Variants in HABP4 observed in about 807,000 individuals in gnomAD.
HABP4 encodes the protein intracellular hyaluronan-binding protein 4.
Under a neutral mutation model 44.1 loss-of-function variants are expected in HABP4, and 32 were observed. The ratio of observed to expected loss-of-function variants is 0.73; its 90% CI spans 0.55 to 0.97. HABP4 has a LOEUF of 0.97. HABP4 is among the 50% of genes least tolerant of loss of function. The probability of loss-of-function intolerance (pLI) is 0.00; values close to 1 mark genes in which losing one functional copy is unlikely to be tolerated. For synonymous variants in HABP4, 216 were observed against 218.0 expected (o/e 0.99, Z 0.08); for missense variants, 503 against 561.9 (o/e 0.90, Z 1.06).
chr9:96,484,824 C>G (rs1180850547), intron 6 of HABP4, among the ~76,000 whole-genome samples, 191 bp downstream of exon 6: 1 of 152,124 alleles, frequency 6.6e-6, no homozygotes, highest in Non-Finnish European at 1.5e-5. Context: ...GAGGTATTGA[C>G]AGATGCACAG....
chr9:96,488,033 T>A lies in HABP4; in HGVS notation c.1000-56T>A. ...AGCACACTGCAGCCACTAAGCCAGATGAGTGTGGGGATGGCTGTGGACTTG... is the reference window on the plus strand; with the variant it reads ...AGCACACTGCAGCCACTAAGCCAGAAGAGTGTGGGGATGGCTGTGGACTTG... On this transcript the variant is annotated intron_variant, in intron 6 of 7. Transcript: ENST00000375249. This position sits in a 1 kb window ranked among gnomAD's most constrained non-coding sequence, Gnocchi z 4.6. 1 of 1,223,484 alleles carries A rather than the reference T, an allele frequency of 8.2e-7. No individual in the cohort carries two copies. Among genetic ancestry groups the A allele is most frequent in the South Asian group, 1.3e-5 (1 of 77,528 alleles). 75.8% of individuals were successfully genotyped at this position (1,223,484 alleles called of 1,614,324 possible). A position where few individuals can be genotyped will look rare whatever the true frequency, so the allele number is the denominator to read the frequency against.
chr9:96,456,059 AATAAAT>A, intron 1 of HABP4, among the ~76,000 whole-genome samples: 1 of 152,134 alleles, frequency 6.6e-6, no homozygotes, highest in East Asian at 1.9e-4. Context: ...TGTCTCAAAA[AATAAAT>A]AAATAAATAA....
chr9:96,461,754 G>A (rs1291592022), intron 2 of HABP4, among the ~76,000 whole-genome samples: 2 of 152,190 alleles, frequency 1.3e-5, no homozygotes, highest in Non-Finnish European at 1.5e-5. Context: ...CTATAATTCT[G>A]TCCAATAAAC....
chr9:96,485,777 C>T (rs372513843), intron 6 of HABP4, among the ~76,000 whole-genome samples: 1 of 151,872 alleles, frequency 6.6e-6, no homozygotes, highest in Non-Finnish European at 1.5e-5. Context: ...GTCACTATTT[C>T]GAGGTGGGAG....
chr9:96,454,582 T>A (rs978786528), intron 1 of HABP4, among the ~76,000 whole-genome samples: 2 of 151,982 alleles, frequency 1.3e-5, no homozygotes, highest in African/African-American at 4.8e-5. Flanking sequence ...CCCCAGTAGC[T>A]GGGACTACAG....
intron 5 of HABP4, among the ~76,000 whole-genome samples, chr9:96,479,858 T>C (rs969135641): frequency 1.3e-5 from 2 of 152,012 alleles, no homozygotes; most frequent in African/African-American, 2.4e-5. Flanking sequence ...TTTTCCTGGC[T>C]TATATTCCAA....
chr9:96,450,238 T>C lies in HABP4; in HGVS notation c.-42T>C. 1 of 1,330,580 alleles carries C rather than the reference T, an allele frequency of 7.5e-7. No homozygotes were observed. The allele number at this position is 1,330,580 out of a possible 1,614,324, so 82.4% of individuals were successfully genotyped here. A position where few individuals can be genotyped will look rare whatever the true frequency, so the allele number is the denominator to read the frequency against. On this transcript the variant is annotated 5_prime_UTR_variant, in exon 1 of 8. Transcript: ENST00000375249. This position sits in a 1 kb window ranked among gnomAD's most constrained non-coding sequence, Gnocchi z 4.8. The stretch of plus-strand genomic sequence containing the variant: ...GGCCGCCGGCTTCGCTGAGACGCGC[T>C]CGCGTGGGCTGCCCTCCCGGGCCCG...
Position 96,450,695 on chromosome 9 carries a change from C to A in HABP4, c.349+67C>A, listed in dbSNP as rs988779987. On this transcript the variant is annotated intron_variant, in intron 1 of 7. Coordinates refer to ENST00000375249, the MANE Select transcript of HABP4 (RefSeq NM_014282.4). This position sits in a 1 kb window ranked among gnomAD's most constrained non-coding sequence, Gnocchi z 4.8. ...GCTGTGAGACTGGGGTCCCGGGGGC[C>A]GGTTTCAGGAGGAGGGGCCCGGGAA... 8 of 1,191,186 alleles carry A rather than the reference C, an allele frequency of 6.7e-6. No homozygotes were observed. The African/African-American group carries it at 9.5e-5, about 14-fold the overall frequency. 73.8% of individuals were successfully genotyped at this position (1,191,186 alleles called of 1,614,324 possible).
At chr9:96,472,413 T>A (rs559766665) in intron 5 of HABP4, among the ~76,000 whole-genome samples, 1 of 152,258 alleles carries the variant, frequency 6.6e-6, no homozygotes, top group Non-Finnish European at 1.5e-5. Flanking sequence ...CCTCTTTCAT[T>A]TTCTGGATGC....
intron 1 of HABP4, among the ~76,000 whole-genome samples, chr9:96,456,010 A>C (rs571556133): frequency 7.2e-5 from 11 of 152,092 alleles, no homozygotes; most frequent in African/African-American, 2.7e-4. Context: ...AGCCAAGATC[A>C]CACCATTGTA....
chr9:96,454,613 C>G lies in HABP4; in HGVS notation c.350-3766C>G, dbSNP rs1229438816. 2.6e-5 allele frequency among the ~76,000 whole-genome samples: 4 copies of G among 152,276 alleles called. No individual in the cohort carries two copies. In the East Asian group the frequency reaches 7.7e-4, roughly 29 times the overall value. The stretch of plus-strand genomic sequence containing the variant: ...TACAGACGCCCGCCACCACGCCTGG[C>G]TAATTTTTTGTATTTTTAGTAGAGA... On this transcript the variant is annotated intron_variant, in intron 1 of 7. Coordinates refer to ENST00000375249, the MANE Select transcript of HABP4 (RefSeq NM_014282.4).
At chr9:96,457,352 C>A (rs1832413027) in intron 1 of HABP4, among the ~76,000 whole-genome samples, 1 of 151,576 alleles carries the variant, frequency 6.6e-6, no homozygotes, top group African/African-American at 2.4e-5. Context: ...AAAAAAAAAA[C>A]ACAAGAACAA....
chr9:96,488,392 T>G lies in HABP4; in HGVS notation c.1185+118T>G. On this transcript the variant is annotated intron_variant, in intron 7 of 7. Transcript: ENST00000375249. The surrounding 1 kb of genome is among the most constrained non-coding windows in gnomAD (Gnocchi z 4.6). ...TGCAGTCACTTCTTTCTGTAGCTAG[T>G]GTGGGACTGATGTTGGGGCATTTGG... 1 of 660,268 alleles carries G rather than the reference T, an allele frequency of 1.5e-6. No homozygotes were observed. Among genetic ancestry groups the G allele is most frequent in the Admixed American group, 2.8e-5 (1 of 35,240 alleles). The allele number at this position is 660,268 out of a possible 1,614,324, so 40.9% of individuals were successfully genotyped here.
Position 96,488,404 on chromosome 9 carries a change from G to A in HABP4, c.1185+130G>A, listed in dbSNP as rs1464450554. On this transcript the variant is annotated intron_variant, in intron 7 of 7. Coordinates refer to ENST00000375249, the MANE Select transcript of HABP4 (RefSeq NM_014282.4). This position sits in a 1 kb window ranked among gnomAD's most constrained non-coding sequence, Gnocchi z 4.6. Reference sequence around the variant, plus strand: ...TTTCTGTAGCTAGTGTGGGACTGATGTTGGGGCATTTGGACGGTGTTGTAG... The same window carrying A: ...TTTCTGTAGCTAGTGTGGGACTGATATTGGGGCATTTGGACGGTGTTGTAG... The A allele has an allele frequency of 6.8e-5, 43 of 629,766 alleles. No homozygotes were observed. The highest frequency in any genetic ancestry group is 4.4e-4 in the South Asian group (21 of 47,390). The allele number at this position is 629,766 out of a possible 1,614,324, so 39.0% of individuals were successfully genotyped here. A position where few individuals can be genotyped will look rare whatever the true frequency, so the allele number is the denominator to read the frequency against.
chr9:96,451,171 C>T lies in HABP4; in HGVS notation c.349+543C>T, dbSNP rs12237743. Reference sequence around the variant, plus strand: ...CGCGGTCCGGCCTGGCGCCTTCGCCCCTTCTCCGTCCGGTAGCTTCCAGGA... The same window carrying T: ...CGCGGTCCGGCCTGGCGCCTTCGCCTCTTCTCCGTCCGGTAGCTTCCAGGA... On this transcript the variant is annotated intron_variant, in intron 1 of 7. Transcript: ENST00000375249. Among the ~76,000 whole-genome samples, 7 of 152,348 alleles carry T rather than the reference C, an allele frequency of 4.6e-5. No individual in the cohort carries two copies. The East Asian group carries it at 9.6e-4, about 21-fold the overall frequency.
rs1832591781 is a variant in HABP4 at position 96,465,848 on chromosome 9, G to A, written c.743+70G>A. The A allele has an allele frequency of 8.4e-6, 7 of 835,244 alleles. No homozygotes were observed. In the Admixed American group the frequency reaches 1.1e-4, roughly 13 times the overall value. The allele number at this position is 835,244 out of a possible 1,614,324, so 51.7% of individuals were successfully genotyped here. The stretch of plus-strand genomic sequence containing the variant: ...AAATCTCTGGATCTTTGCTTTTCTT[G>A]AAAATGATGTCTTCTGTATTGTGCT... On this transcript the variant is annotated intron_variant, in intron 4 of 7. Transcript: ENST00000375249.
At chr9:96,480,327 CT>C (rs1188170881) in intron 5 of HABP4, among the ~76,000 whole-genome samples, 1 of 152,058 alleles carries the variant, frequency 6.6e-6, no homozygotes, top group Non-Finnish European at 1.5e-5. Context: ...GTCCTCATTC[CT>C]TTTTTAGCTG....
intron 2 of HABP4, among the ~76,000 whole-genome samples, chr9:96,461,609 G>C (rs1311299032): frequency 6.6e-6 from 1 of 152,112 alleles, no homozygotes; most frequent in Non-Finnish European, 1.5e-5. Flanking sequence ...CACGTTCTCT[G>C]CCTGGGTAGA....
chr9:96,488,245 G>A lies in HABP4; in HGVS notation c.1156G>A (p.Glu386Lys), dbSNP rs1833011202. The A allele has an allele frequency of 1.2e-6, 2 of 1,613,622 alleles. No individual in the cohort carries two copies. Among genetic ancestry groups the A allele is most frequent in the Non-Finnish European group, 1.7e-6 (2 of 1,179,794 alleles). The change falls in exon 7 of 8, where the codon GAG becomes AAG. Residue 386 changes from glutamate to lysine, a missense_variant. Glu to Lys is a moderately conservative substitution (Grantham distance 56). Around this residue, in one of 3 missense-constraint regions of HABP4, gnomAD observed 82 missense variants for 71.6 expected, o/e 1.15. Transcript: ENST00000375249. This position sits in a 1 kb window ranked among gnomAD's most constrained non-coding sequence, Gnocchi z 4.6. ...AGGCCGGGGAAGGATCAGGAGGGCAGAGAACTATGGACCCAGAGCAGAAGT... is the reference window on the plus strand; with the variant it reads ...AGGCCGGGGAAGGATCAGGAGGGCAAAGAACTATGGACCCAGAGCAGAAGT... ...RGGRGRIRRA[E>K]NYGPRAEVVM...
Sources: gnomAD v4.1 joint callset for allele counts (sites outside exome capture counted in the v4.1 genomes callset) on GRCh38, gnomAD v4.1.1 for gene constraint, gnomAD v4.1.1 regional missense constraint, Gnocchi (gnomAD v3.1) non-coding constraint, MANE v1.5 for transcripts, NCBI Gene and HGNC (gene_info 2026-07-23, HGNC 2026-07-21) for gene names.